COG7: variants seen among roughly 807,000 people sequenced by gnomAD.
The protein encoded by COG7 is conserved oligomeric Golgi complex subunit 7.
COG7 carries 49 observed loss-of-function variants against 91.5 expected under a neutral mutation model. The observed-to-expected ratio is 0.54, with a 90% CI of 0.43 to 0.68. The LOEUF is 0.68. Among genes scored for constraint, COG7 ranks in the 30% least tolerant of loss-of-function variants. The pLI is 0.00. For synonymous variants in COG7, 365 were observed against 388.7 expected, an observed-to-expected ratio of 0.94 and a Z score of 0.72; for missense variants, 895 against 961.3, an observed-to-expected ratio of 0.93 and a Z score of 0.91.
chr16:23,422,249 G>A (rs934218408), intron 7 of COG7, among the ~76,000 whole-genome samples: 8 of 151,932 alleles, frequency 5.3e-5, no homozygotes, highest in African/African-American at 1.9e-4. Flanking sequence ...AAGGTTCAAG[G>A]CTACAGTAAG....
At chr16:23,426,781 C>T (rs1411619161) in intron 6 of COG7, among the ~76,000 whole-genome samples, 1 of 93,906 alleles carries the variant, frequency 1.1e-5, no homozygotes, top group East Asian at 3.6e-4. Flanking sequence ...CCACTCTATT[C>T]AACAAAGAAC....
Position 23,424,896 on chromosome 16 carries a change from C to G in COG7, c.862G>C (p.Gly288Arg). ...VVMVLLIQTLGALMPSLPSCL... is the reference protein window; with the variant it reads ...VVMVLLIQTLRALMPSLPSCL... ...GAGGGCAGCGAGGGCATGAGGGCCC[C>G]CAGGGTCTGAATCAGCAGCACCATT... The change falls in exon 7 of 17, where the codon GGG becomes CGG. Residue 288 changes from glycine to arginine, a missense_variant. Coordinates refer to ENST00000307149, the MANE Select transcript of COG7 (RefSeq NM_153603.4). 6.2e-7 allele frequency: 1 copy of G among 1,613,924 alleles called. No individual in the cohort carries two copies. The highest frequency in any genetic ancestry group is 2.2e-5 in the East Asian group (1 of 44,862).
intron 13 of COG7, 68 bp downstream of exon 13, chr16:23,403,626 C>G (rs2142065509): frequency 6.3e-7 from 1 of 1,579,336 alleles, no homozygotes; most frequent in East Asian, 2.2e-5. Context: ...AGGGTTAAGC[C>G]CACACTCAGT....
At chr16:23,404,580 G>A (rs957959923) in intron 12 of COG7, among the ~76,000 whole-genome samples, 1 of 152,192 alleles carries the variant, frequency 6.6e-6, no homozygotes, top group South Asian at 2.1e-4. Flanking sequence ...GACATGTCCA[G>A]GCCCCCTGTG....
At chr16:23,407,848 C>G (rs1223685432) in intron 11 of COG7, among the ~76,000 whole-genome samples, 5 of 151,830 alleles carry the variant, frequency 3.3e-5, no homozygotes, top group Admixed American at 6.6e-5. Context: ...GTTCCCATGG[C>G]TGAGAAGTGG....
chr16:23,412,332 G>C (rs1486982131), intron 10 of COG7: 5 of 152,272 alleles, frequency 3.3e-5, no homozygotes. Context: ...GCCAGCCCCA[G>C]TGGCTATGAC....
At chr16:23,442,227 G>A (rs534976802) in intron 4 of COG7, among the ~76,000 whole-genome samples, 17 of 151,738 alleles carry the variant, frequency 1.1e-4, no homozygotes, top group East Asian at 7.7e-4. Flanking sequence ...CCAGCTACTC[G>A]GGAGGCTGAG....
rs1963908393 is a variant in COG7, at chr16:23,429,952, T to G, written c.810+3593A>C. On this transcript the variant is annotated intron_variant, in intron 6 of 16. Coordinates refer to ENST00000307149, the MANE Select transcript of COG7 (RefSeq NM_153603.4). ...AAATTCTAGAACACATTAAACTAACTTATGATGGAAAAAATCAGGGCAGTG... is the reference window on the plus strand; with the variant it reads ...AAATTCTAGAACACATTAAACTAACGTATGATGGAAAAAATCAGGGCAGTG... Among the ~76,000 whole-genome samples, 3 of 152,098 alleles carry G rather than the reference T, an allele frequency of 2.0e-5. 1 individual carries two copies. The South Asian group carries it at 6.2e-4, about 32-fold the overall frequency.
At chr16:23,440,085 CA>C (rs11294739) in intron 4 of COG7, among the ~76,000 whole-genome samples, 31,039 of 79,208 alleles carry the variant, frequency 0.39, 3,443 homozygotes, top group African/African-American at 0.47. Context: ...CCCATCTATA[CA>C]AAAAAAAAAA....
In COG7 at chr16:23,453,123, G is replaced by A. The variant is rs770088024; in HGVS notation, c.-129C>T. ...CCGAGGCGAACCCCAGAAACGCCAGGACGGGTAACTTGCCCCTTTGCGCTT... is the reference window on the plus strand; with the variant it reads ...CCGAGGCGAACCCCAGAAACGCCAGAACGGGTAACTTGCCCCTTTGCGCTT... On this transcript the variant is annotated 5_prime_UTR_variant, in exon 1 of 17. Transcript: ENST00000307149. The A allele has an allele frequency of 1.3e-4, 200 of 1,500,870 alleles. No homozygotes were observed. The highest frequency in any genetic ancestry group is 4.6e-4 in the Middle Eastern group (2 of 4,310). 93.0% of individuals were successfully genotyped at this position (1,500,870 alleles called of 1,614,324 possible).
Position 23,429,872 on chromosome 16 carries a change from C to T in COG7, c.810+3673G>A, listed in dbSNP as rs75492799. On this transcript the variant is annotated intron_variant, in intron 6 of 16. Coordinates refer to ENST00000307149, the MANE Select transcript of COG7 (RefSeq NM_153603.4). ...ACAACACGAGCAAATCTCAAAAACA[C>T]GCTGAGTGAAAGAAGCCTACAAAAG... Among the ~76,000 whole-genome samples, 1,372 of 152,228 alleles carry T rather than the reference C, an allele frequency of 9.0e-3. 25 individuals are homozygous for T. Among genetic ancestry groups the T allele is most frequent in the African/African-American group, 0.03 (1,262 of 41,520 alleles).
intron 6 of COG7, among the ~76,000 whole-genome samples, chr16:23,429,064 A>G (rs913424368): frequency 1.2e-4 from 18 of 152,220 alleles, no homozygotes; most frequent in African/African-American, 3.9e-4. Flanking sequence ...ATCATGGCTC[A>G]TTGAAGCCTC....
intron 6 of COG7, among the ~76,000 whole-genome samples, chr16:23,431,891 C>T (rs986343556): frequency 1.3e-5 from 2 of 151,210 alleles, no homozygotes; most frequent in Non-Finnish European, 2.9e-5. Context: ...CCTGTAATCC[C>T]AGCACTTTGG....
At chr16:23,432,082 G>C (rs2142086402) in intron 6 of COG7, among the ~76,000 whole-genome samples, 1 of 152,162 alleles carries the variant, frequency 6.6e-6, no homozygotes, top group South Asian at 2.1e-4. Context: ...AGGAGGCCGA[G>C]GCTGCAGTGA....
chr16:23,425,167 G>A lies in COG7; in HGVS notation c.811-220C>T, dbSNP rs545953584. ...TCTACTAAAAATACAAAAATTAGCC[G>A]GGTGTGATGGCGCATGCCTGTAATC... is the stretch of plus-strand genomic sequence containing the variant. On this transcript the variant is annotated intron_variant, in intron 6 of 16. Transcript: ENST00000307149. Among the ~76,000 whole-genome samples, 9 of 152,228 alleles carry A rather than the reference G, an allele frequency of 5.9e-5. No homozygotes were observed. In the East Asian group the frequency reaches 1.2e-3, roughly 20 times the overall value.
chr16:23,406,118 A>C lies in COG7; in HGVS notation c.1620T>G (p.Pro540=). The stretch of plus-strand genomic sequence containing the variant: ...TTTCCATTAAACTGGCATATTCAGC[A>C]GGGTTATCTTTCTGGAGGTAATTAT... ...QEYNYLQKDN[P]AEYASLMEIL... The change falls in exon 12 of 17, where the codon CCT becomes CCG. Residue 540 remains proline (P), a synonymous_variant. Coordinates refer to ENST00000307149, the MANE Select transcript of COG7 (RefSeq NM_153603.4). 1 of 1,614,164 alleles carries C rather than the reference A, an allele frequency of 6.2e-7. No individual in the cohort carries two copies. The highest frequency in any genetic ancestry group is 8.5e-7 in the Non-Finnish European group (1 of 1,180,012).
chr16:23,445,890 A>ATGCCTC lies in COG7; in HGVS notation c.235_240dup (p.Glu79_Ala80dup). On this transcript the variant is annotated inframe_insertion, in exon 2 of 17. Coordinates refer to ENST00000307149, the MANE Select transcript of COG7 (RefSeq NM_153603.4). ...AGAATCATCTGTTCTTTCAGGAAAG[A>ATGCCTC]TGCCTCCTGTTTTAGGGCTTCAACA... 3 of 1,611,348 alleles carry ATGCCTC rather than the reference A, an allele frequency of 1.9e-6. No homozygotes were observed. Among genetic ancestry groups the ATGCCTC allele is most frequent in the Non-Finnish European group, 2.5e-6 (3 of 1,178,682 alleles).
At position 23,453,189 on chromosome 16, in the gene COG7, C is replaced by T; in HGVS notation, c.-195G>A. The T allele has an allele frequency of 7.8e-7, 1 of 1,284,884 alleles. No homozygotes were observed. The highest frequency in any genetic ancestry group is 1.0e-6 in the Non-Finnish European group (1 of 965,774). 79.6% of individuals were successfully genotyped at this position (1,284,884 alleles called of 1,614,324 possible). ...TCAGTTTGCGGCTGGGAATGACCCT[C>T]GCCGCCCGCCGTTCTTCTTCCGGAA... On this transcript the variant is annotated 5_prime_UTR_variant, in exon 1 of 17. Transcript: ENST00000307149.
At chr16:23,433,419 G>T in intron 6 of COG7, 126 bp downstream of exon 6, 1 of 1,262,762 alleles carries the variant, frequency 7.9e-7, no homozygotes, top group East Asian at 2.3e-5. Context: ...CCCCTTGAAT[G>T]ACAGCAACAA....
Sources: allele counts gnomAD v4.1 joint callset (sites outside exome capture counted in the v4.1 genomes callset), GRCh38; gene constraint gnomAD v4.1.1; transcripts MANE v1.5; gene names NCBI Gene and HGNC (gene_info 2026-07-23, HGNC 2026-07-21).